The following PTPRD variants were observed in gnomAD, a reference collection of about 807,000 sequenced individuals.
PTPRD encodes protein tyrosine phosphatase receptor type D, also known as receptor-type tyrosine-protein phosphatase delta.
PTPRD carries 34 observed loss-of-function variants against 214.5 expected under a neutral mutation model. The ratio of observed to expected loss-of-function variants is 0.16; its 90% CI spans 0.12 to 0.21. The LOEUF is 0.21. PTPRD is among the 10% of genes least tolerant of loss of function. PTPRD has a pLI of 1.00. For missense variants in PTPRD, 2,545 were observed against 2,398.7 expected, an observed-to-expected ratio of 1.06 and a Z score of -1.27; for synonymous variants, 1,128 against 845.7, an observed-to-expected ratio of 1.33 and a Z score of -5.79.
chr9:9,522,945 G>A (rs1227819750), intron 8 of PTPRD, among the ~76,000 whole-genome samples: 1 of 152,106 alleles, frequency 6.6e-6, no homozygotes, highest in Non-Finnish European at 1.5e-5. Context: ...CAGGGAAGGT[G>A]GAAAAGCCTA....
intron 6 of PTPRD, among the ~76,000 whole-genome samples, chr9:9,750,052 A>C (rs1039562677): frequency 1.1e-4 from 16 of 152,172 alleles, no homozygotes; most frequent in African/African-American, 3.9e-4. Flanking sequence ...CAACTACGAA[A>C]AATAAACTTT....
At chr9:9,876,992 T>C (rs7857912) in intron 5 of PTPRD, among the ~76,000 whole-genome samples, 9,045 of 152,194 alleles carry the variant, frequency 0.059, 849 homozygotes, top group African/African-American at 0.2. Context: ...GAATTATTTA[T>C]CCTTGCTGAA....
chr9:8,818,757 A>C (rs1046774029), intron 11 of PTPRD, among the ~76,000 whole-genome samples: 1 of 152,236 alleles, frequency 6.6e-6, no homozygotes, highest in Non-Finnish European at 1.5e-5. Context: ...TATTTATTGC[A>C]TTTATAAAAT....
chr9:8,537,380 GAACATACGAT>G (rs1204474560), intron 14 of PTPRD, among the ~76,000 whole-genome samples: 4 of 151,810 alleles, frequency 2.6e-5, no homozygotes, highest in Non-Finnish European at 5.9e-5. Context: ...ATTCCAAATG[GAACATACGAT>G]AAATATAAGA....
intron 3 of PTPRD, among the ~76,000 whole-genome samples, chr9:10,336,703 G>A (rs1452166193): frequency 6.6e-6 from 1 of 151,410 alleles, no homozygotes; most frequent in Admixed American, 6.6e-5. Flanking sequence ...TCGAGGAGGG[G>A]AGACAAAAAA....
At chr9:8,770,856 G>A (rs1428450769) in intron 11 of PTPRD, among the ~76,000 whole-genome samples, 2 of 152,122 alleles carry the variant, frequency 1.3e-5, no homozygotes, top group African/African-American at 4.8e-5. Flanking sequence ...ATTGAACGGA[G>A]TAAAACTTCC....
At chr9:10,081,454 C>A (rs2098236005) in intron 3 of PTPRD, among the ~76,000 whole-genome samples, 1 of 151,968 alleles carries the variant, frequency 6.6e-6, no homozygotes, top group South Asian at 2.1e-4. Flanking sequence ...GCAATTAGGT[C>A]ATGAAGGTGG....
At chr9:8,624,608 T>C (rs2095950410) in intron 14 of PTPRD, among the ~76,000 whole-genome samples, 1 of 151,886 alleles carries the variant, frequency 6.6e-6, no homozygotes, top group Non-Finnish European at 1.5e-5. Flanking sequence ...TGTTAGTTAC[T>C]CTGCCAGATG....
At chr9:9,274,390 G>A (rs1179371568) in intron 9 of PTPRD, among the ~76,000 whole-genome samples, 3 of 151,316 alleles carry the variant, frequency 2.0e-5, no homozygotes, top group Non-Finnish European at 4.4e-5. Context: ...TGTGGTAAAT[G>A]TCTGCATAAA....
chr9:10,435,634 A>G (rs924352872), intron 2 of PTPRD, among the ~76,000 whole-genome samples: 1 of 151,912 alleles, frequency 6.6e-6, no homozygotes, highest in African/African-American at 2.4e-5. Flanking sequence ...ATATTTGAAG[A>G]CACTTTAAGA....
chr9:10,254,156 A>C (rs2093037439), intron 3 of PTPRD, among the ~76,000 whole-genome samples: 1 of 152,180 alleles, frequency 6.6e-6, no homozygotes, highest in Non-Finnish European at 1.5e-5. Context: ...CTCCAGTTTT[A>C]AATTTTTGTT....
intron 11 of PTPRD, among the ~76,000 whole-genome samples, chr9:8,980,866 A>G (rs2099309118): frequency 1.3e-5 from 2 of 152,120 alleles, no homozygotes; most frequent in South Asian, 4.1e-4. Flanking sequence ...AACAGGAAAT[A>G]AAAGAGACCA....
intron 11 of PTPRD, among the ~76,000 whole-genome samples, chr9:8,783,889 G>A (rs190577002): frequency 4.6e-5 from 7 of 152,052 alleles, no homozygotes; most frequent in African/African-American, 9.7e-5. Flanking sequence ...CAATATTTAC[G>A]CTACCCCTTC....
chr9:8,514,405 G>A (rs767184003), intron 21 of PTPRD, among the ~76,000 whole-genome samples: 7 of 151,966 alleles, frequency 4.6e-5, no homozygotes, highest in Non-Finnish European at 1.0e-4. Flanking sequence ...TTAAACTGGT[G>A]CTTATAAAAC....
intron 8 of PTPRD, among the ~76,000 whole-genome samples, chr9:9,437,069 A>G (rs1182528041): frequency 6.6e-6 from 1 of 152,180 alleles, no homozygotes; most frequent in Non-Finnish European, 1.5e-5. Flanking sequence ...TCTTAAAGCA[A>G]TGTAATAAAC....
At chr9:8,602,843 T>C (rs972880226) in intron 14 of PTPRD, among the ~76,000 whole-genome samples, 1 of 152,238 alleles carries the variant, frequency 6.6e-6, no homozygotes, top group African/African-American at 2.4e-5. Context: ...ATCTGTATCC[T>C]AGCTTTAATT....
chr9:8,685,893 T>A (rs2154376755), intron 12 of PTPRD, among the ~76,000 whole-genome samples: 1 of 152,328 alleles, frequency 6.6e-6, no homozygotes, highest in East Asian at 1.9e-4. Context: ...TATTATGTCT[T>A]TAAAAATAAA....
chr9:9,171,260 T>C (rs1467251059), intron 10 of PTPRD, among the ~76,000 whole-genome samples: 1 of 151,902 alleles, frequency 6.6e-6, no homozygotes, highest in Non-Finnish European at 1.5e-5. Context: ...AGTTTCTTTG[T>C]TGCCAGATCA....
At chr9:9,649,964 A>G (rs1594200714) in intron 7 of PTPRD, among the ~76,000 whole-genome samples, 1 of 152,258 alleles carries the variant, frequency 6.6e-6, no homozygotes, top group South Asian at 2.1e-4. Flanking sequence ...AATGAAACGG[A>G]GGGAGAATTG....
Sources: gnomAD v4.1 joint callset for allele counts (sites outside exome capture counted in the v4.1 genomes callset) on GRCh38, gnomAD v4.1.1 for gene constraint, MANE v1.5 for transcripts, NCBI Gene and HGNC (gene_info 2026-07-23, HGNC 2026-07-21) for gene names.